Variants in GSPT1 observed in about 807,000 individuals in gnomAD.
GSPT1 encodes the protein eukaryotic peptide chain release factor GTP-binding subunit ERF3A.
A neutral mutation model predicts 72.5 loss-of-function variants in GSPT1; 20 were observed. That is an observed-to-expected ratio of 0.28 (90% CI 0.19 to 0.40). The LOEUF is 0.40. GSPT1 is among the 10% of genes least tolerant of loss of function. The probability of loss-of-function intolerance (pLI) is 1.00; values close to 1 mark genes in which losing one functional copy is unlikely to be tolerated. For synonymous variants in GSPT1, 334 were observed against 293.5 expected, an observed-to-expected ratio of 1.14 and a Z score of -1.41; for missense variants, 580 against 811.9, an observed-to-expected ratio of 0.71 and a Z score of 3.47.
Position 11,904,662 on chromosome 16 carries a change from T to TA in GSPT1, c.353-6628dup, listed in dbSNP as rs989215666. Among the ~76,000 whole-genome samples, 239 of 144,254 alleles carry TA rather than the reference T, an allele frequency of 1.7e-3. 2 individuals are homozygous for TA. The highest frequency in any genetic ancestry group is 2.2e-3 in the South Asian group (10 of 4,564). The allele number at this position is 144,254 out of a possible 152,430, so 94.6% of individuals were successfully genotyped here. On this transcript the variant is annotated intron_variant, in intron 1 of 14. Transcript: ENST00000434724. ...TCAAGGCCACAGACATCATGGCAGGTAAAAAAAAAAAGCTACGTTTTGATT... is the reference window on the plus strand; with the variant it reads ...TCAAGGCCACAGACATCATGGCAGGTAAAAAAAAAAAAGCTACGTTTTGATT...
In GSPT1 at chr16:11,915,859, C is replaced by A. The variant is rs1176622623; in HGVS notation, c.-139G>T. ...GGGAGCTAGCGACAAAGATCCCCGG[C>A]GTCGCCGCGGCAGCAGCTCCAGTCC... On this transcript the variant is annotated 5_prime_UTR_variant, in exon 1 of 15. Transcript: ENST00000434724. 1 of 1,347,122 alleles carries A rather than the reference C, an allele frequency of 7.4e-7. No individual in the cohort carries two copies. The highest frequency in any genetic ancestry group is 1.0e-6 in the Non-Finnish European group (1 of 957,252). 83.4% of individuals were successfully genotyped at this position (1,347,122 alleles called of 1,614,324 possible). A position where few individuals can be genotyped will look rare whatever the true frequency, so the allele number is the denominator to read the frequency against.
chr16:11,914,101 T>C (rs2054594102), intron 1 of GSPT1, among the ~76,000 whole-genome samples: 1 of 152,222 alleles, frequency 6.6e-6, no homozygotes, highest in Non-Finnish European at 1.5e-5. Flanking sequence ...TGTTCTCACT[T>C]AAAATGCGCT....
rs1304471709 is a variant in GSPT1, at chr16:11,873,097, T to G, written c.*22A>C. 6.7e-7 allele frequency: 1 copy of G among 1,493,418 alleles called. No homozygotes were observed. Among genetic ancestry groups the G allele is most frequent in the African/African-American group, 1.4e-5 (1 of 72,666 alleles). The allele number at this position is 1,493,418 out of a possible 1,614,324, so 92.5% of individuals were successfully genotyped here. ...GCAGTCAATTTTCCTCACAGTATTG[T>G]GCAGGGTCATCAAGAAAATGCTTAG... On this transcript the variant is annotated 3_prime_UTR_variant, in exon 15 of 15. Transcript: ENST00000434724.
In GSPT1 at chr16:11,869,576, G is replaced by A. The variant is rs1257371849; in HGVS notation, c.*3543C>T. The A allele has an allele frequency of 6.6e-6, 1 of 152,152 alleles. No homozygotes were observed. Among genetic ancestry groups the A allele is most frequent in the Non-Finnish European group, 1.5e-5 (1 of 68,024 alleles). The allele number at this position is 152,152 out of a possible 1,614,324, so 9.4% of individuals were successfully genotyped here. A position where few individuals can be genotyped will look rare whatever the true frequency, so the allele number is the denominator to read the frequency against. On this transcript the variant is annotated 3_prime_UTR_variant, in exon 15 of 15. Coordinates refer to ENST00000434724, the MANE Select transcript of GSPT1 (RefSeq NM_002094.4). ...GTGCTATAACCACATTTTTCACAAA[G>A]GGTTTTAAAGTTGAAAGTTGCCTGA...
intron 7 of GSPT1, 65 bp downstream of exon 7, chr16:11,887,505 C>G: frequency 7.5e-7 from 1 of 1,326,646 alleles, no homozygotes; most frequent in Non-Finnish European, 1.1e-6. Context: ...AAGATAAATT[C>G]AAATTTAAAG....
chr16:11,903,751 T>G (rs916577007), intron 1 of GSPT1, among the ~76,000 whole-genome samples: 1 of 152,220 alleles, frequency 6.6e-6, no homozygotes, highest in Non-Finnish European at 1.5e-5. Flanking sequence ...ACAGTGTGAA[T>G]GTACTAAATG....
intron 1 of GSPT1, among the ~76,000 whole-genome samples, chr16:11,901,249 G>A (rs2054402419): frequency 6.6e-6 from 1 of 152,116 alleles, no homozygotes; most frequent in African/African-American, 2.4e-5. Flanking sequence ...TCTTATTCAT[G>A]ACTCACATAA....
chr16:11,896,529 TA>T, intron 4 of GSPT1, 28 bp downstream of exon 4: 2 of 1,238,218 alleles, frequency 1.6e-6, no homozygotes, highest in Non-Finnish European at 2.3e-6. Context: ...ATGTATCCAG[TA>T]ACTTTAATTG....
chr16:11,895,081 A>G, intron 4 of GSPT1, 94 bp from the exon 5 acceptor site: 1 of 754,396 alleles, frequency 1.3e-6, no homozygotes, highest in South Asian at 1.5e-5. Context: ...ACATAATTAA[A>G]TCTTCCATAT....
At chr16:11,899,009 C>T (rs1400440589) in intron 1 of GSPT1, among the ~76,000 whole-genome samples, 3 of 152,146 alleles carry the variant, frequency 2.0e-5, no homozygotes, top group Non-Finnish European at 4.4e-5. Context: ...GAAATACATA[C>T]TAATAACCAA....
At chr16:11,898,074 T>A (rs768623193) in intron 1 of GSPT1, 39 bp from the exon 2 acceptor site, 2 of 1,308,258 alleles carry the variant, frequency 1.5e-6, no homozygotes, top group Non-Finnish European at 1.1e-6. Context: ...AATTGATACT[T>A]ATCCATCCAT....
chr16:11,915,931 C>T lies in GSPT1; in HGVS notation c.-211G>A, dbSNP rs750073178. On this transcript the variant is annotated 5_prime_UTR_variant, in exon 1 of 15. Coordinates refer to ENST00000434724, the MANE Select transcript of GSPT1 (RefSeq NM_002094.4). ...GACAGAGGCGGCGGCGGCGGCAGCT[C>T]AACCCTCCTCCTCGTGTGTGTGAGC... 4 of 758,996 alleles carry T rather than the reference C, an allele frequency of 5.3e-6. No homozygotes were observed. The highest frequency in any genetic ancestry group is 1.4e-5 in the South Asian group (1 of 74,022). 47.0% of individuals were successfully genotyped at this position (758,996 alleles called of 1,614,324 possible).
chr16:11,886,689 G>C (rs1050043620), intron 8 of GSPT1, 78 bp from the exon 9 acceptor site: 2 of 1,548,344 alleles, frequency 1.3e-6, no homozygotes, highest in East Asian at 2.3e-5. Flanking sequence ...AACAGATTAA[G>C]GTTTAGAAAA....
intron 1 of GSPT1, among the ~76,000 whole-genome samples, chr16:11,901,913 T>G (rs1183912599): frequency 6.6e-6 from 1 of 151,144 alleles, no homozygotes; most frequent in African/African-American, 2.4e-5. Flanking sequence ...CTGACTAATA[T>G]GAGGAAACCC....
At chr16:11,881,907 C>T (rs891705568) in intron 11 of GSPT1, 4 of 152,204 alleles carry the variant, frequency 2.6e-5, no homozygotes, top group Admixed American at 1.3e-4. Flanking sequence ...AATCGGTCCA[C>T]CTCAAACTTC....
At chr16:11,902,776 G>A (rs2054430918) in intron 1 of GSPT1, among the ~76,000 whole-genome samples, 2 of 151,838 alleles carry the variant, frequency 1.3e-5, no homozygotes. Context: ...TAGTAGAGAC[G>A]GGGGTTTCAC....
At position 11,870,289 on chromosome 16, in the gene GSPT1, G is replaced by C. The variant is rs566203427; in HGVS notation, c.*2830C>G. 8.5e-5 allele frequency: 13 copies of C among 152,190 alleles called. No individual in the cohort carries two copies. The South Asian group carries it at 2.3e-3, about 27-fold the overall frequency. The allele number at this position is 152,190 out of a possible 1,614,324, so 9.4% of individuals were successfully genotyped here. On this transcript the variant is annotated 3_prime_UTR_variant, in exon 15 of 15. Transcript: ENST00000434724. ...GTGCTGTATTTCCCCCTCTCCCACAGTAAGAAACAAGGGTTTAAAATGGCA... is the reference window on the plus strand; with the variant it reads ...GTGCTGTATTTCCCCCTCTCCCACACTAAGAAACAAGGGTTTAAAATGGCA...
At chr16:11,907,427 T>C (rs77005293) in intron 1 of GSPT1, among the ~76,000 whole-genome samples, 2,112 of 152,300 alleles carry the variant, frequency 0.014, 40 homozygotes, top group African/African-American at 0.045. Context: ...CTCAAGAGAA[T>C]GTTGTGAAGA....
At chr16:11,910,171 C>A (rs905288493) in intron 1 of GSPT1, among the ~76,000 whole-genome samples, 5 of 151,988 alleles carry the variant, frequency 3.3e-5, no homozygotes, top group African/African-American at 1.2e-4. Flanking sequence ...AACTCTGGCC[C>A]AGGAGGCCAG....
Sources: allele counts gnomAD v4.1 joint callset (sites outside exome capture counted in the v4.1 genomes callset), GRCh38; gene constraint gnomAD v4.1.1; transcripts MANE v1.5; gene names NCBI Gene and HGNC (gene_info 2026-07-23, HGNC 2026-07-21).